Variants in PTPRN2 observed in about 807,000 individuals in gnomAD.
PTPRN2 encodes receptor-type tyrosine-protein phosphatase N2.
A neutral mutation model predicts 118.8 loss-of-function variants in PTPRN2; 74 were observed. That is an observed-to-expected ratio of 0.62 (90% CI 0.52 to 0.76). The LOEUF (loss-of-function observed/expected upper bound fraction) is 0.76, where lower values mean the gene tolerates loss of function less well. Ranked by LOEUF, PTPRN2 falls within the 30% of genes least tolerant of loss-of-function variation. The pLI, the probability that PTPRN2 is intolerant of heterozygous loss-of-function variation, is 0.00. For missense variants in PTPRN2, 1,481 were observed against 1,394.4 expected, an observed-to-expected ratio of 1.06 and a Z score of -0.99; for synonymous variants, 641 against 608.0, an observed-to-expected ratio of 1.05 and a Z score of -0.80.
chr7:158,398,657 C>T (rs954661637), intron 2 of PTPRN2, among the ~76,000 whole-genome samples: 3 of 152,180 alleles, frequency 2.0e-5, no homozygotes, highest in African/African-American at 2.4e-5. Flanking sequence ...TTTCCCCACC[C>T]GCATTTCTAC....
chr7:157,819,849 C>A (rs1806696825), intron 12 of PTPRN2, among the ~76,000 whole-genome samples: 1 of 152,062 alleles, frequency 6.6e-6, no homozygotes, highest in Non-Finnish European at 1.5e-5. Flanking sequence ...ATGACCCCCC[C>A]CACACCCACA....
At chr7:157,829,687 C>T (rs1807422463) in intron 12 of PTPRN2, among the ~76,000 whole-genome samples, 1 of 152,250 alleles carries the variant, frequency 6.6e-6, no homozygotes, top group South Asian at 2.1e-4. Flanking sequence ...CGTGCACCCA[C>T]CTGCTGAGAG....
Position 158,319,507 on chromosome 7 carries a change from C to CTCA in PTPRN2, c.164-2576_164-2575insTGA, listed in dbSNP as rs772827607. On this transcript the variant is annotated intron_variant, in intron 2 of 22. Coordinates refer to ENST00000389418, the MANE Select transcript of PTPRN2 (RefSeq NM_002847.5). ...CCTCCCTCACACTCACACAGCCTCC[C>CTCA]CCCACACACACAGCCTCCCTCACAC... Among the ~76,000 whole-genome samples the CTCA allele has an allele frequency of 1.5e-3, 37 of 24,316 alleles. 1 individual carries two copies. The highest frequency in any genetic ancestry group is 2.2e-3 in the Non-Finnish European group (25 of 11,596). 16.0% of individuals were successfully genotyped at this position (24,316 alleles called of 152,430 possible). A position where few individuals can be genotyped will look rare whatever the true frequency, so the allele number is the denominator to read the frequency against.
chr7:158,317,064 G>C, intron 2 of PTPRN2, 132 bp from the exon 3 acceptor site: 1 of 628,192 alleles, frequency 1.6e-6, no homozygotes, highest in Non-Finnish European at 2.6e-6. Context: ...CGTCACCAGA[G>C]GGCTGTTAGG....
intron 11 of PTPRN2, among the ~76,000 whole-genome samples, chr7:157,991,708 TCAG>T (rs1443765882): frequency 6.6e-6 from 1 of 152,174 alleles, no homozygotes; most frequent in African/African-American, 2.4e-5. Context: ...GGGGCTGTTC[TCAG>T]CAGATCCCAG....
rs1824768528 is a variant in PTPRN2 at position 158,526,164 on chromosome 7, C to T, written c.113-36379G>A. Among the ~76,000 whole-genome samples the T allele has an allele frequency of 6.6e-6, 1 of 152,172 alleles. No homozygotes were observed. Among genetic ancestry groups the T allele is most frequent in the African/African-American group, 2.4e-5 (1 of 41,452 alleles). ...CCGCTCTGGGGGGAGCCACATCAGG[C>T]AGACACACGGCTCCTGGTGTTGGCA... On this transcript the variant is annotated intron_variant, in intron 1 of 22. Coordinates refer to ENST00000389418, the MANE Select transcript of PTPRN2 (RefSeq NM_002847.5). The surrounding 1 kb of genome is among the most constrained non-coding windows in gnomAD (Gnocchi z 5.2).
chr7:157,893,521 A>G lies in PTPRN2; in HGVS notation c.1788+5152T>C, dbSNP rs960465122. 6.6e-6 allele frequency among the ~76,000 whole-genome samples: 1 copy of G among 152,232 alleles called. No individual in the cohort carries two copies. On this transcript the variant is annotated intron_variant, in intron 12 of 22. Coordinates refer to ENST00000389418, the MANE Select transcript of PTPRN2 (RefSeq NM_002847.5). The surrounding 1 kb of genome is among the most constrained non-coding windows in gnomAD (Gnocchi z 4.0). ...ATTCAGATTTCCATGCATTGAATCA[A>G]TCTACTTCCTAGACAGAGCTTCACA...
intron 2 of PTPRN2, among the ~76,000 whole-genome samples, chr7:158,336,492 G>A (rs1465716947): frequency 7.9e-6 from 1 of 126,956 alleles, no homozygotes; most frequent in African/African-American, 3.0e-5. Context: ...GCTGACGCCC[G>A]CAGATGTCAC....
chr7:158,234,859 T>C (rs754656447), intron 3 of PTPRN2, among the ~76,000 whole-genome samples: 2 of 152,186 alleles, frequency 1.3e-5, no homozygotes, highest in Non-Finnish European at 2.9e-5. Context: ...ACCTCCTGGA[T>C]TCAAGCGATT....
chr7:158,566,053 T>C (rs1011774585), intron 1 of PTPRN2, among the ~76,000 whole-genome samples: 2 of 152,146 alleles, frequency 1.3e-5, no homozygotes. Flanking sequence ...TCCACTGACA[T>C]CAGAAGTGGC....
chr7:157,774,482 C>T (rs1393119321), intron 12 of PTPRN2, among the ~76,000 whole-genome samples: 2 of 152,258 alleles, frequency 1.3e-5, no homozygotes, highest in Non-Finnish European at 2.9e-5. Context: ...ACCAAGATTT[C>T]ACTGGAAGTT....
intron 11 of PTPRN2, among the ~76,000 whole-genome samples, chr7:157,982,940 G>A (rs1285628794): frequency 8.4e-6 from 1 of 119,452 alleles, no homozygotes; most frequent in African/African-American, 3.3e-5. Context: ...CCCAAACCCC[G>A]AGTCACAGAG....
In PTPRN2 at chr7:157,565,330, G is replaced by A. The variant is rs539781496; in HGVS notation, c.2902+3572C>T. On this transcript the variant is annotated intron_variant, in intron 21 of 22. Transcript: ENST00000389418. ...TCGCTCCAGCATGGGCTCACAAGCC[G>A]TGGGGATTCATATTGGAACACAAAA... Among the ~76,000 whole-genome samples the A allele has an allele frequency of 6.6e-5, 10 of 152,344 alleles. No homozygotes were observed. The South Asian group carries it at 8.3e-4, about 13-fold the overall frequency.
chr7:158,147,683 C>A (rs1820291993), intron 6 of PTPRN2, among the ~76,000 whole-genome samples: 1 of 144,868 alleles, frequency 6.9e-6, no homozygotes. Flanking sequence ...TCACTGACAC[C>A]CCATCTCACG....
At chr7:158,070,110 T>C (rs767532044) in intron 11 of PTPRN2, among the ~76,000 whole-genome samples, 1 of 152,252 alleles carries the variant, frequency 6.6e-6, no homozygotes, top group Non-Finnish European at 1.5e-5. Flanking sequence ...GAGAGGCTGA[T>C]ACCTGACCTA....
At chr7:157,552,296 T>C (rs184848852) in intron 21 of PTPRN2, among the ~76,000 whole-genome samples, 1 of 152,334 alleles carries the variant, frequency 6.6e-6, no homozygotes, top group East Asian at 1.9e-4. Context: ...AATAATTCTA[T>C]GTATTTTTAC....
Position 157,780,403 on chromosome 7 carries a change from G to C in PTPRN2, c.1789-97466C>G, listed in dbSNP as rs1178954315. ...TAAGGGGTGGCGGCTGCTCAGCGAG[G>C]CCTCAGGAGTGTGAAGGAGGCTTGG... On this transcript the variant is annotated intron_variant, in intron 12 of 22. Coordinates refer to ENST00000389418, the MANE Select transcript of PTPRN2 (RefSeq NM_002847.5). This position sits in a 1 kb window ranked among gnomAD's most constrained non-coding sequence, Gnocchi z 4.5. 1.3e-5 allele frequency among the ~76,000 whole-genome samples: 2 copies of C among 152,214 alleles called. No individual in the cohort carries two copies. Among genetic ancestry groups the C allele is most frequent in the Non-Finnish European group, 2.9e-5 (2 of 68,036 alleles).
chr7:158,116,683 C>T (rs1304175733), intron 9 of PTPRN2, among the ~76,000 whole-genome samples: 1 of 152,200 alleles, frequency 6.6e-6, no homozygotes, highest in African/African-American at 2.4e-5. Flanking sequence ...GTTGCTCCTC[C>T]CCCTCTGGCC....
chr7:158,398,394 G>C (rs79996036), intron 2 of PTPRN2, among the ~76,000 whole-genome samples: 1 of 152,168 alleles, frequency 6.6e-6, no homozygotes, highest in Non-Finnish European at 1.5e-5. Flanking sequence ...CCCCCACACT[G>C]TTGCCTCACC....
Sources: allele counts gnomAD v4.1 joint callset (sites outside exome capture counted in the v4.1 genomes callset), GRCh38; gene constraint gnomAD v4.1.1; non-coding constraint Gnocchi (gnomAD v3.1); transcripts MANE v1.5; gene names NCBI Gene and HGNC (gene_info 2026-07-23, HGNC 2026-07-21).